CASP8: variants seen among roughly 807,000 people sequenced by gnomAD.
The protein encoded by CASP8 is caspase 8.
CASP8 carries 24 observed loss-of-function variants against 46.3 expected under a neutral mutation model. The ratio of observed to expected loss-of-function variants is 0.52; its 90% CI spans 0.38 to 0.73. The LOEUF (loss-of-function observed/expected upper bound fraction) is 0.73. Ranked by LOEUF, CASP8 falls within the 30% of genes least tolerant of loss-of-function variation. The pLI is 0.00. For synonymous variants in CASP8, 188 were observed against 200.4 expected (o/e 0.94, Z 0.52); for missense variants, 460 against 559.0 (o/e 0.82, Z 1.79).
chr2:201,281,231 T>C (rs1332452123), intron 7 of CASP8, among the ~76,000 whole-genome samples: 3 of 152,122 alleles, frequency 2.0e-5, no homozygotes, highest in East Asian at 1.9e-4. Flanking sequence ...GGAGAATTGC[T>C]TGAACTTGGG....
intron 5 of CASP8, among the ~76,000 whole-genome samples, chr2:201,273,338 C>T (rs1276151941): frequency 6.6e-6 from 1 of 152,228 alleles, no homozygotes; most frequent in Non-Finnish European, 1.5e-5. Flanking sequence ...GGATTACAGG[C>T]ATGAGCCACT....
intron 2 of CASP8, among the ~76,000 whole-genome samples, chr2:201,251,073 G>T (rs6435072): frequency 0.23 from 34,678 of 152,032 alleles, 6,185 homozygotes; most frequent in African/African-American, 0.48. Context: ...CCATGCCTTT[G>T]CGTGGTTTGA....
At chr2:201,234,451 T>A (rs929559462) in intron 2 of CASP8, among the ~76,000 whole-genome samples, 1 of 152,010 alleles carries the variant, frequency 6.6e-6, no homozygotes, top group African/African-American at 2.4e-5. Flanking sequence ...AAGTTATTCT[T>A]TTTTATTTTT....
chr2:201,247,378 A>G (rs1946577040), intron 2 of CASP8, among the ~76,000 whole-genome samples: 1 of 151,924 alleles, frequency 6.6e-6, no homozygotes, highest in Non-Finnish European at 1.5e-5. Flanking sequence ...GGGTCCCCAT[A>G]GCATCCATGC....
chr2:201,252,855 T>C (rs1946846888), intron 2 of CASP8, among the ~76,000 whole-genome samples: 1 of 152,242 alleles, frequency 6.6e-6, no homozygotes, highest in African/African-American at 2.4e-5. Flanking sequence ...GAATGTGTTT[T>C]GTTACTACCA....
chr2:201,257,386 G>A (rs1947071816), upstream of CASP8, among the ~76,000 whole-genome samples: 1 of 151,510 alleles, frequency 6.6e-6, no homozygotes, highest in African/African-American at 2.4e-5. Flanking sequence ...GGAGGCTGAG[G>A]CAGGAGAATC....
At chr2:201,265,275 C>A (rs564800197) in intron 1 of CASP8, among the ~76,000 whole-genome samples, 2 of 150,720 alleles carry the variant, frequency 1.3e-5, no homozygotes, top group Non-Finnish European at 3.0e-5. Flanking sequence ...ACTAGGAGGC[C>A]GAGGCAGGAG....
intron 2 of CASP8, chr2:201,240,174 C>G (rs1946243269): frequency 6.6e-6 from 1 of 152,162 alleles, no homozygotes; most frequent in Admixed American, 6.5e-5. Context: ...CCTTCAGGGC[C>G]CATTGTCTAC....
chr2:201,265,968 T>A (rs962139042), intron 1 of CASP8, among the ~76,000 whole-genome samples: 5 of 134,902 alleles, frequency 3.7e-5, no homozygotes, highest in African/African-American at 1.4e-4. Context: ...GGCTTGTTTT[T>A]TTTGTTTTTT....
At chr2:201,281,806 C>A (rs1211820395) in intron 7 of CASP8, 15 of 1,380,178 alleles carry the variant, frequency 1.1e-5, no homozygotes, top group Non-Finnish European at 1.4e-5. Context: ...CCAACAATAA[C>A]ACTCTCTCCT....
At chr2:201,264,991 A>G (rs1947697672) in intron 1 of CASP8, among the ~76,000 whole-genome samples, 5 of 152,148 alleles carry the variant, frequency 3.3e-5, no homozygotes, top group Admixed American at 2.6e-4. Flanking sequence ...GGGTGGGAGT[A>G]GGGGATGAGT....
chr2:201,234,990 G>A (rs1353105182), intron 2 of CASP8, among the ~76,000 whole-genome samples: 1 of 152,158 alleles, frequency 6.6e-6, no homozygotes, highest in Non-Finnish European at 1.5e-5. Flanking sequence ...CTGTATGAAT[G>A]AGGAAAGAAA....
intron 7 of CASP8, among the ~76,000 whole-genome samples, chr2:201,282,857 C>G (rs1305822347): frequency 1.6e-4 from 14 of 85,672 alleles, no homozygotes; most frequent in African/African-American, 4.3e-4. Flanking sequence ...GGCGGCTGGC[C>G]GGGCAGAGGG....
Position 201,245,544 on chromosome 2 carries a change from G to A in CASP8, c.-27+11432G>A, listed in dbSNP as rs141014752. Among the ~76,000 whole-genome samples, 278 of 152,204 alleles carry A rather than the reference G, an allele frequency of 1.8e-3. 2 individuals carry two copies. The highest frequency in any genetic ancestry group is 6.3e-3 in the African/African-American group (261 of 41,536). On this transcript the variant is annotated intron_variant, in intron 2 of 6. Transcript: ENST00000264274. Reference sequence around the variant, plus strand: ...GCGTGAGCCACTGTCCCCAGCCACTGGACTTGATAACCATCCGGAGTATCA... The same window carrying A: ...GCGTGAGCCACTGTCCCCAGCCACTAGACTTGATAACCATCCGGAGTATCA...
chr2:201,252,457 G>GT, intron 2 of CASP8, among the ~76,000 whole-genome samples: 1 of 152,186 alleles, frequency 6.6e-6, no homozygotes, highest in South Asian at 2.1e-4. Context: ...TGTATTTTTA[G>GT]TAGAGACGGG....
chr2:201,237,299 C>T (rs1272498257), intron 2 of CASP8, among the ~76,000 whole-genome samples: 1 of 151,260 alleles, frequency 6.6e-6, no homozygotes, highest in East Asian at 1.9e-4. Context: ...ACATGTTAGC[C>T]AGGCTGGTCT....
At position 201,286,516 on chromosome 2, in the gene CASP8, TGAC is replaced by T; in HGVS notation, c.1363_1365del (p.Asp455del). On this transcript the variant is annotated inframe_deletion, in exon 9 of 9. Transcript: ENST00000673742. ...TGAACTATGAAGTAAGCAACAAGGA[TGAC>T]AAGAAAAACATGGGGAAACAGATGC... The T allele has an allele frequency of 6.2e-7, 1 of 1,613,924 alleles. No homozygotes were observed. Among genetic ancestry groups the T allele is most frequent in the African/African-American group, 1.3e-5 (1 of 75,056 alleles).
intron 5 of CASP8, among the ~76,000 whole-genome samples, chr2:201,273,850 T>C (rs962145813): frequency 1.3e-5 from 2 of 152,112 alleles, no homozygotes; most frequent in Non-Finnish European, 2.9e-5. Flanking sequence ...AATTTTTGTA[T>C]GTCTTGTAGA....
upstream of CASP8, chr2:201,257,997 A>G: frequency 1.9e-6 from 1 of 518,970 alleles, no homozygotes; most frequent in African/African-American, 1.9e-5. Flanking sequence ...GAAATTGGGC[A>G]TCTGTTCCTT....
Sources: allele counts gnomAD v4.1 joint callset (sites outside exome capture counted in the v4.1 genomes callset), GRCh38; gene constraint gnomAD v4.1.1; transcripts MANE v1.5; gene names NCBI Gene and HGNC (gene_info 2026-07-23, HGNC 2026-07-21).